Variants in KCNIP4 observed in about 807,000 individuals in gnomAD.
The protein encoded by KCNIP4 is Kv channel-interacting protein 4.
In KCNIP4, 12 loss-of-function variants were observed where a neutral mutation model predicts 34.0. That is an observed-to-expected ratio of 0.35 (90% CI 0.23 to 0.57). The LOEUF (loss-of-function observed/expected upper bound fraction) is 0.57. Ranked by LOEUF, KCNIP4 falls within the 20% of genes least tolerant of loss-of-function variation. KCNIP4 has a pLI of 0.83. For missense variants in KCNIP4, 238 were observed against 311.7 expected (o/e 0.76, Z 1.78); for synonymous variants, 124 against 102.2 (o/e 1.21, Z -1.29).
chr4:20,746,793 C>A (rs1185696596), intron 5 of KCNIP4, among the ~76,000 whole-genome samples: 1 of 152,118 alleles, frequency 6.6e-6, no homozygotes, highest in African/African-American at 2.4e-5. Flanking sequence ...CCCCTCCTAT[C>A]ATATTTCTTC....
chr4:21,501,446 T>C (rs1182387555), intron 1 of KCNIP4, among the ~76,000 whole-genome samples: 1 of 152,124 alleles, frequency 6.6e-6, no homozygotes, highest in Non-Finnish European at 1.5e-5. Context: ...ACAGTCACCA[T>C]CATATCCACC....
chr4:21,036,812 T>C (rs894699096), intron 1 of KCNIP4, among the ~76,000 whole-genome samples: 19 of 152,236 alleles, frequency 1.2e-4, no homozygotes, highest in Non-Finnish European at 2.4e-4. Context: ...TGCATAATGA[T>C]GCTTTGGTCA....
chr4:21,204,736 T>C (rs1756727999), intron 1 of KCNIP4, among the ~76,000 whole-genome samples: 1 of 152,246 alleles, frequency 6.6e-6, no homozygotes, highest in Middle Eastern at 3.2e-3. Context: ...GATGTTTCAC[T>C]TGAAATGGGC....
At chr4:21,157,564 T>C (rs1212235863) in intron 1 of KCNIP4, among the ~76,000 whole-genome samples, 3 of 152,094 alleles carry the variant, frequency 2.0e-5, no homozygotes, top group Non-Finnish European at 4.4e-5. Flanking sequence ...AGATGAGCCC[T>C]ACAATTGCCC....
chr4:21,823,731 G>C (rs1458878825), intron 1 of KCNIP4, among the ~76,000 whole-genome samples: 1 of 152,050 alleles, frequency 6.6e-6, no homozygotes. Flanking sequence ...AGGCTAAATA[G>C]TTAGAAAGGC....
At chr4:20,959,232 G>C (rs755097849) in intron 1 of KCNIP4, among the ~76,000 whole-genome samples, 4 of 152,178 alleles carry the variant, frequency 2.6e-5, no homozygotes, top group Non-Finnish European at 5.9e-5. Context: ...ACTACAGGTA[G>C]CCAAAATAAA....
chr4:21,199,879 A>T (rs1577875988), intron 1 of KCNIP4, among the ~76,000 whole-genome samples: 1 of 151,698 alleles, frequency 6.6e-6, no homozygotes, highest in East Asian at 1.9e-4. Context: ...GGAGGAGTTC[A>T]TGTCCTTTGC....
intron 1 of KCNIP4, among the ~76,000 whole-genome samples, chr4:21,778,430 G>A (rs912719392): frequency 5.3e-5 from 8 of 151,244 alleles, no homozygotes; most frequent in Non-Finnish European, 2.9e-5. Context: ...AAATGGGATC[G>A]CATCATGTTA....
intron 1 of KCNIP4, among the ~76,000 whole-genome samples, chr4:20,957,624 C>T (rs553607073): frequency 7.6e-4 from 115 of 152,092 alleles, no homozygotes; most frequent in African/African-American, 2.8e-3. Context: ...GCTGTTTACG[C>T]TCATTCATTT....
intron 1 of KCNIP4, among the ~76,000 whole-genome samples, chr4:21,836,535 G>GA (rs1723331028): frequency 6.6e-6 from 1 of 151,986 alleles, no homozygotes; most frequent in Non-Finnish European, 1.5e-5. Flanking sequence ...AAAAAAAATT[G>GA]AAAAAAATCA....
rs1322703060 is a variant in KCNIP4, at chr4:21,234,077, CAT to C, written c.62-351370_62-351369del. 1.8e-4 allele frequency among the ~76,000 whole-genome samples: 12 copies of C among 67,412 alleles called. 2 individuals carry two copies. Among genetic ancestry groups the C allele is most frequent in the Admixed American group, 8.9e-4 (5 of 5,614 alleles). The allele number at this position is 67,412 out of a possible 152,430, so 44.2% of individuals were successfully genotyped here. A position where few individuals can be genotyped will look rare whatever the true frequency, so the allele number is the denominator to read the frequency against. ...ACATAACATATATAACATAACATAA[CAT>C]ATAACGTATATTATATATAACATAT... On this transcript the variant is annotated intron_variant, in intron 1 of 8. Coordinates refer to ENST00000382152, the MANE Select transcript of KCNIP4 (RefSeq NM_025221.6).
chr4:21,367,858 T>C (rs900160175), intron 1 of KCNIP4, among the ~76,000 whole-genome samples: 3 of 147,744 alleles, frequency 2.0e-5, no homozygotes, highest in Admixed American at 6.6e-5. Context: ...CAATATGACA[T>C]CTTTCCATGT....
At chr4:21,185,960 T>C (rs539012882) in intron 1 of KCNIP4, among the ~76,000 whole-genome samples, 1 of 152,326 alleles carries the variant, frequency 6.6e-6, no homozygotes, top group East Asian at 1.9e-4. Flanking sequence ...CAATGCTGAG[T>C]ACATCTTGCA....
At chr4:21,454,232 G>A (rs1277593426) in intron 1 of KCNIP4, among the ~76,000 whole-genome samples, 3 of 152,154 alleles carry the variant, frequency 2.0e-5, no homozygotes, top group South Asian at 2.1e-4. Flanking sequence ...CAGTGCCAAC[G>A]CTGCTGAACG....
intron 1 of KCNIP4, among the ~76,000 whole-genome samples, chr4:21,187,372 A>G (rs1033455440): frequency 6.6e-6 from 1 of 152,212 alleles, no homozygotes; most frequent in Non-Finnish European, 1.5e-5. Context: ...ATATAATCAG[A>G]TCATTAATGT....
At chr4:21,930,641 A>G (rs1729511999) in intron 1 of KCNIP4, among the ~76,000 whole-genome samples, 1 of 152,054 alleles carries the variant, frequency 6.6e-6, no homozygotes, top group African/African-American at 2.4e-5. Context: ...GAGCCTTTGC[A>G]CAGGCTGATC....
At chr4:21,814,944 C>A (rs754260292) in intron 1 of KCNIP4, among the ~76,000 whole-genome samples, 12 of 152,266 alleles carry the variant, frequency 7.9e-5, no homozygotes, top group African/African-American at 2.9e-4. Flanking sequence ...CTTACCGGGG[C>A]AACTTTGGCA....
chr4:21,509,381 A>G (rs1158598963), intron 1 of KCNIP4, among the ~76,000 whole-genome samples: 1 of 152,076 alleles, frequency 6.6e-6, no homozygotes, highest in Non-Finnish European at 1.5e-5. Context: ...TATAATATAA[A>G]CCTCCTGCTG....
At chr4:20,777,052 G>T (rs996487436) in intron 3 of KCNIP4, among the ~76,000 whole-genome samples, 1 of 152,144 alleles carries the variant, frequency 6.6e-6, no homozygotes, top group African/African-American at 2.4e-5. Flanking sequence ...GGGTCTTTGG[G>T]AGGTGTGTTA....
Sources: gnomAD v4.1 joint callset for allele counts (sites outside exome capture counted in the v4.1 genomes callset) on GRCh38, gnomAD v4.1.1 for gene constraint, MANE v1.5 for transcripts, NCBI Gene and HGNC (gene_info 2026-07-23, HGNC 2026-07-21) for gene names.